ZFP64: variants seen among roughly 807,000 people sequenced by gnomAD.
ZFP64 encodes ZFP64 zinc finger protein.
In ZFP64, 14 loss-of-function variants were observed where a neutral mutation model predicts 51.6. The ratio of observed to expected loss-of-function variants is 0.27; its 90% CI spans 0.18 to 0.42. The LOEUF is 0.42. Among genes scored for constraint, ZFP64 ranks in the 10% least tolerant of loss-of-function variants. The pLI is 1.00. For missense variants in ZFP64, 754 were observed against 906.8 expected (o/e 0.83, Z 2.16); for synonymous variants, 375 against 361.4 (o/e 1.04, Z -0.43).
chr20:52,186,500 A>T (rs1600823236), intron 2 of ZFP64, among the ~76,000 whole-genome samples: 1 of 146,146 alleles, frequency 6.8e-6, no homozygotes. Context: ...TACTTCCACC[A>T]CCCAAAACAA....
chr20:52,164,612 T>C (rs1318787794), intron 4 of ZFP64, 83 bp downstream of exon 4: 1 of 1,151,640 alleles, frequency 8.7e-7, no homozygotes. Flanking sequence ...TGGAGTGGTA[T>C]CATTCGTCTG....
At chr20:52,177,113 T>C (rs1983285452) in intron 2 of ZFP64, among the ~76,000 whole-genome samples, 1 of 147,522 alleles carries the variant, frequency 6.8e-6, no homozygotes, top group Non-Finnish European at 1.5e-5. Context: ...AACTAGACTC[T>C]AGTGCCAGTG....
chr20:52,102,213 A>G (rs984468223), intron 5 of ZFP64, among the ~76,000 whole-genome samples: 1 of 151,916 alleles, frequency 6.6e-6, no homozygotes, highest in East Asian at 1.9e-4. Context: ...ACAGCACATT[A>G]CAATTTGAGA....
intron 5 of ZFP64, among the ~76,000 whole-genome samples, chr20:52,123,197 GCCAGGCGAACATGTTCGCCATGTTAC>G (rs1979280113): frequency 6.6e-6 from 1 of 152,126 alleles, no homozygotes; most frequent in Non-Finnish European, 1.5e-5. Flanking sequence ...CGCCATGTTA[GCCAGGCGAACATGTTCGCCATGTTAC>G]CCAGTCTTGA....
chr20:52,099,990 G>C (rs2079033458), intron 5 of ZFP64, among the ~76,000 whole-genome samples: 2 of 152,160 alleles, frequency 1.3e-5, no homozygotes, highest in Non-Finnish European at 2.9e-5. Flanking sequence ...TCCCATCAAG[G>C]TCTGAAGTTT....
intron 2 of ZFP64, among the ~76,000 whole-genome samples, chr20:52,180,168 C>T (rs1326451002): frequency 6.6e-6 from 1 of 152,250 alleles, no homozygotes; most frequent in African/African-American, 2.4e-5. Flanking sequence ...CAGCCCAGTT[C>T]CTAGCAACAC....
At chr20:52,172,472 A>G (rs1028073065) in intron 2 of ZFP64, among the ~76,000 whole-genome samples, 2 of 152,148 alleles carry the variant, frequency 1.3e-5, no homozygotes, top group African/African-American at 4.8e-5. Flanking sequence ...GTAACTATGC[A>G]TAATAGGTTA....
intron 7 of ZFP64, among the ~76,000 whole-genome samples, chr20:52,094,139 T>C (rs1161904246): frequency 6.6e-6 from 1 of 151,990 alleles, no homozygotes; most frequent in African/African-American, 2.4e-5. Context: ...GCAGCTGGGG[T>C]GACTGTGGGG....
chr20:52,110,452 G>A (rs1306768599), intron 5 of ZFP64: 2 of 645,340 alleles, frequency 3.1e-6, no homozygotes, highest in Non-Finnish European at 2.8e-6. Context: ...CAATCAGCCT[G>A]GAGATCCATG....
chr20:52,088,551 G>T, exon 8 of ZFP64: 2 of 1,614,180 alleles, frequency 1.2e-6, no homozygotes, highest in Non-Finnish European at 1.7e-6. Context: ...CACTTGTGTG[G>T]CTTCACACTG....
At chr20:52,088,719 C>A in intron 7 of ZFP64, 1 of 1,599,110 alleles carries the variant, frequency 6.3e-7, no homozygotes. Context: ...AGATGATAGC[C>A]TGGGCATATG....
chr20:52,094,788 T>C (rs916802133), intron 7 of ZFP64, among the ~76,000 whole-genome samples: 4 of 152,146 alleles, frequency 2.6e-5, no homozygotes, highest in Non-Finnish European at 5.9e-5. Context: ...GCAATACATT[T>C]GAAATACAAC....
chr20:52,100,990 A>G (rs1288844466), intron 5 of ZFP64, among the ~76,000 whole-genome samples: 1 of 152,182 alleles, frequency 6.6e-6, no homozygotes, highest in Non-Finnish European at 1.5e-5. Flanking sequence ...GTGGCTCTCA[A>G]CTGGGGGCCA....
At chr20:52,084,861 A>T (rs746620177) in exon 9 of ZFP64, 1 of 1,613,868 alleles carries the variant, frequency 6.2e-7, no homozygotes, top group Admixed American at 1.7e-5. Flanking sequence ...GTCCCTGTGC[A>T]CCTTGTCGAC....
At chr20:52,087,257 T>A (rs1702151375) in intron 8 of ZFP64, among the ~76,000 whole-genome samples, 1 of 152,192 alleles carries the variant, frequency 6.6e-6, no homozygotes, top group Non-Finnish European at 1.5e-5. Flanking sequence ...GATTTTCTAT[T>A]TTCACTCTAT....
downstream of ZFP64, among the ~76,000 whole-genome samples, chr20:52,150,550 C>A: frequency 6.9e-6 from 1 of 144,602 alleles, no homozygotes; most frequent in East Asian, 2.0e-4. Flanking sequence ...TGTTTCTTAC[C>A]AAAAACATAG....
intron 5 of ZFP64, among the ~76,000 whole-genome samples, chr20:52,141,716 T>C (rs572252389): frequency 5.1e-4 from 78 of 152,308 alleles, no homozygotes; most frequent in African/African-American, 1.8e-3. Flanking sequence ...TTCTGAACAT[T>C]GTGAAAATGA....
chr20:52,125,109 A>C (rs983404995), intron 5 of ZFP64, among the ~76,000 whole-genome samples: 1 of 152,212 alleles, frequency 6.6e-6, no homozygotes, highest in African/African-American at 2.4e-5. Context: ...GCTCACAGCA[A>C]TGAATTCTAC....
chr20:52,124,357 T>C (rs1979345876), intron 5 of ZFP64, among the ~76,000 whole-genome samples: 1 of 152,122 alleles, frequency 6.6e-6, no homozygotes, highest in Non-Finnish European at 1.5e-5. Flanking sequence ...GGGAGCGAAG[T>C]TGGAAATTCA....
Sources: gnomAD v4.1 joint callset for allele counts (sites outside exome capture counted in the v4.1 genomes callset) on GRCh38, gnomAD v4.1.1 for gene constraint, MANE v1.5 for transcripts, NCBI Gene and HGNC (gene_info 2026-07-23, HGNC 2026-07-21) for gene names.